Variants in CACNA1C observed in about 807,000 individuals in gnomAD.
CACNA1C encodes the protein calcium voltage-gated channel subunit alpha1 C.
In CACNA1C, 30 loss-of-function variants were observed where a neutral mutation model predicts 229.0. That is an observed-to-expected ratio of 0.13 (90% confidence interval 0.10 to 0.18). The LOEUF is 0.18. CACNA1C is among the 10% of genes least tolerant of loss of function. The pLI is 1.00. For missense variants in CACNA1C, 1,658 were observed against 2,845.0 expected, an observed-to-expected ratio of 0.58 and a Z score of 9.49; for synonymous variants, 1,114 against 1,132.5, an observed-to-expected ratio of 0.98 and a Z score of 0.33.
At chr12:2,191,859 T>C (rs531521111) in intron 3 of CACNA1C, among the ~76,000 whole-genome samples, 1 of 63,826 alleles carries the variant, frequency 1.6e-5, no homozygotes, top group Non-Finnish European at 3.9e-5. Flanking sequence ...CTCACACATG[T>C]ACTCGCATAC....
At chr12:2,395,006 C>CTTAT (rs1214138544) in intron 3 of CACNA1C, among the ~76,000 whole-genome samples, 4 of 151,972 alleles carry the variant, frequency 2.6e-5, no homozygotes, top group Admixed American at 6.6e-5. Flanking sequence ...AATTCCCAGC[C>CTTAT]TTATTTATTT....
chr12:2,240,234 G>A (rs1364725445), intron 3 of CACNA1C, among the ~76,000 whole-genome samples: 1 of 152,206 alleles, frequency 6.6e-6, no homozygotes, highest in Non-Finnish European at 1.5e-5. Flanking sequence ...CTGCTCAGCT[G>A]ACATGCAGTT....
At chr12:2,298,252 C>G (rs1022241508) in intron 3 of CACNA1C, among the ~76,000 whole-genome samples, 1 of 152,194 alleles carries the variant, frequency 6.6e-6, no homozygotes, top group Non-Finnish European at 1.5e-5. Flanking sequence ...AACACAATTG[C>G]TCATCCTATA....
intron 3 of CACNA1C, among the ~76,000 whole-genome samples, chr12:2,232,227 G>GTTTTTTTTTTTTT (rs1169407536): frequency 1.5e-3 from 108 of 73,532 alleles, no homozygotes; most frequent in South Asian, 2.8e-3. Context: ...GTCTTTCCTT[G>GTTTTTTTTTTTTT]TTTTTTTTTT....
intron 12 of CACNA1C, among the ~76,000 whole-genome samples, chr12:2,567,256 C>T (rs1173122358): frequency 6.6e-6 from 1 of 152,214 alleles, no homozygotes; most frequent in Non-Finnish European, 1.5e-5. Context: ...CCTCTTTGAA[C>T]CTCCTTTCTC....
intron 3 of CACNA1C, chr12:2,288,740 G>A (rs1000006012): frequency 6.6e-5 from 10 of 152,164 alleles, no homozygotes; most frequent in African/African-American, 2.4e-5. Flanking sequence ...ACCCTGCTGC[G>A]GGATGCCAGC....
chr12:2,141,157 G>A (rs977256198), intron 3 of CACNA1C, among the ~76,000 whole-genome samples: 3 of 151,044 alleles, frequency 2.0e-5, no homozygotes, highest in Non-Finnish European at 4.4e-5. Context: ...GAAGGAGGAT[G>A]TGAGTGGGGT....
chr12:2,393,531 C>CT (rs1474594909), intron 3 of CACNA1C, among the ~76,000 whole-genome samples: 1 of 152,218 alleles, frequency 6.6e-6, no homozygotes, highest in African/African-American at 2.4e-5. Context: ...CCACTCCTTG[C>CT]TAGCTATATA....
chr12:2,659,300 T>G (rs556069978), intron 34 of CACNA1C, among the ~76,000 whole-genome samples: 114 of 152,332 alleles, frequency 7.5e-4, no homozygotes, highest in African/African-American at 2.7e-3. Flanking sequence ...TGTTTAGATA[T>G]GTTTAGATAC....
chr12:2,450,565 A>AAAC (rs2099359487), intron 4 of CACNA1C, among the ~76,000 whole-genome samples: 5 of 147,502 alleles, frequency 3.4e-5, no homozygotes, highest in African/African-American at 1.0e-4. Flanking sequence ...AAAAAAAAAA[A>AAAC]AAAAAAAAAA....
intron 3 of CACNA1C, among the ~76,000 whole-genome samples, chr12:2,365,495 C>T (rs12425203): frequency 0.37 from 55,634 of 152,006 alleles, 10,451 homozygotes; most frequent in South Asian, 0.47. Context: ...TGCAGATTAA[C>T]AGATTGATGT....
chr12:1,988,729 G>A (rs1053913029), intron 1 of CACNA1C, among the ~76,000 whole-genome samples: 1 of 152,174 alleles, frequency 6.6e-6, no homozygotes, highest in African/African-American at 2.4e-5. Context: ...CACTTTAGAA[G>A]GCAACTTTTA....
chr12:2,671,173 C>A (rs1030160977), intron 38 of CACNA1C, among the ~76,000 whole-genome samples: 1 of 152,176 alleles, frequency 6.6e-6, no homozygotes. Context: ...TGCCACCACG[C>A]CCGGCTAATT....
rs963495931 is a variant in CACNA1C at position 2,354,880 on chromosome 12, G to C, written c.478-94096G>C. Among the ~76,000 whole-genome samples the C allele has an allele frequency of 6.6e-6, 1 of 152,084 alleles. No homozygotes were observed. The highest frequency in any genetic ancestry group is 1.5e-5 in the Non-Finnish European group (1 of 68,036). ...AGCTGGTCGTTTCCCCGCAGCTTTA[G>C]ATTCCATTTTGGTGAGGAAATTTAC... On this transcript the variant is annotated intron_variant, in intron 3 of 46. Coordinates refer to ENST00000399655, the MANE Select transcript of CACNA1C (RefSeq NM_000719.7). This position sits in a 1 kb window ranked among gnomAD's most constrained non-coding sequence, Gnocchi z 4.6.
Position 2,115,491 on chromosome 12 carries a change from G to T in CACNA1C, c.317G>T (p.Cys106Phe). 6.2e-7 allele frequency: 1 copy of T among 1,613,536 alleles called. No individual in the cohort carries two copies. Among genetic ancestry groups the T allele is most frequent in the Non-Finnish European group, 8.5e-7 (1 of 1,179,918 alleles). ...TATRPPRALL[C>F]LTLKNPIRRA... is the part of the protein sequence containing the mutation. Reference sequence around the variant, plus strand: ...ACACGCCCGCCCCGAGCCCTGCTCTGCCTGACCCTGAAGAACCCCATCCGG... The same window carrying T: ...ACACGCCCGCCCCGAGCCCTGCTCTTCCTGACCCTGAAGAACCCCATCCGG... Residue 106 changes from cysteine to phenylalanine, a missense_variant, in exon 2 of 47, where the codon TGC becomes TTC. Transcript: ENST00000399655.
intron 3 of CACNA1C, among the ~76,000 whole-genome samples, chr12:2,269,376 T>C (rs1211708725): frequency 6.6e-6 from 1 of 152,168 alleles, no homozygotes; most frequent in Non-Finnish European, 1.5e-5. Context: ...TCTTCTCTAC[T>C]GATGGGAGTG....
chr12:2,673,633 G>C (rs1325576491), intron 38 of CACNA1C, among the ~76,000 whole-genome samples: 2 of 152,160 alleles, frequency 1.3e-5, no homozygotes, highest in Non-Finnish European at 2.9e-5. Flanking sequence ...GAATTCATTT[G>C]TTGCAATTGT....
chr12:1,974,772 C>T (rs952343596), intron 1 of CACNA1C, among the ~76,000 whole-genome samples: 23 of 152,132 alleles, frequency 1.5e-4, no homozygotes, highest in African/African-American at 5.6e-4. Context: ...GTCAGTCATT[C>T]CAGCAACACA....
intron 3 of CACNA1C, among the ~76,000 whole-genome samples, chr12:2,326,628 G>A (rs1286784561): frequency 6.6e-6 from 1 of 152,214 alleles, no homozygotes; most frequent in Non-Finnish European, 1.5e-5. Flanking sequence ...TCGCCATGCT[G>A]TGTCTCCTAG....
Sources: allele counts gnomAD v4.1 joint callset (sites outside exome capture counted in the v4.1 genomes callset), GRCh38; gene constraint gnomAD v4.1.1; non-coding constraint Gnocchi (gnomAD v3.1); transcripts MANE v1.5; gene names NCBI Gene and HGNC (gene_info 2026-07-23, HGNC 2026-07-21).